The following GSTCD variants were observed in gnomAD, a reference collection of about 807,000 sequenced individuals.
GSTCD encodes glutathione S-transferase C-terminal domain containing.
Under a neutral mutation model 68.3 loss-of-function variants are expected in GSTCD, and 44 were observed. The ratio of observed to expected loss-of-function variants is 0.64; its 90% confidence interval spans 0.51 to 0.83. The LOEUF (loss-of-function observed/expected upper bound fraction) is 0.83, where lower values mean the gene tolerates loss of function less well. Ranked by LOEUF, GSTCD falls within the 40% of genes least tolerant of loss-of-function variation. The probability of loss-of-function intolerance (pLI) is 0.00; values close to 1 mark genes in which losing one functional copy is unlikely to be tolerated. For missense variants in GSTCD, 739 were observed against 735.9 expected (o/e 1.00, Z -0.05); for synonymous variants, 273 against 255.2 (o/e 1.07, Z -0.67).
chr4:105,720,147 ATCTC>A lies in GSTCD; in HGVS notation c.894+636_894+639del, dbSNP rs369063434. ...GATAGAACGTTTTCTGAGTAGGAAG[ATCTC>A]TCTCTCTCTCTCTCTGTCTGTCTTA... On this transcript the variant is annotated intron_variant, in intron 3 of 11. Transcript: ENST00000515279. Among the ~76,000 whole-genome samples, 1,357 of 142,656 alleles carry A rather than the reference ATCTC, an allele frequency of 9.5e-3. 18 individuals carry two copies. Among genetic ancestry groups the A allele is most frequent in the African/African-American group, 0.034 (1,204 of 35,162 alleles). 93.6% of individuals were successfully genotyped at this position (142,656 alleles called of 152,430 possible). A position where few individuals can be genotyped will look rare whatever the true frequency, so the allele number is the denominator to read the frequency against.
At chr4:105,732,144 C>G (rs868556373) in intron 5 of GSTCD, among the ~76,000 whole-genome samples, 45 of 152,120 alleles carry the variant, frequency 3.0e-4, no homozygotes, top group African/African-American at 8.5e-4. Context: ...GGATATTGGT[C>G]TAAAATTCTT....
At chr4:105,783,964 G>A (rs1222285268) in intron 5 of GSTCD, among the ~76,000 whole-genome samples, 3 of 152,158 alleles carry the variant, frequency 2.0e-5, no homozygotes, top group Non-Finnish European at 2.9e-5. Flanking sequence ...TGGATTTGGG[G>A]CAGGAATACT....
chr4:105,813,003 T>C (rs1360041705), intron 5 of GSTCD, among the ~76,000 whole-genome samples: 1 of 152,216 alleles, frequency 6.6e-6, no homozygotes, highest in East Asian at 1.9e-4. Flanking sequence ...AATATTTTAC[T>C]AATAAAGGAT....
intron 5 of GSTCD, among the ~76,000 whole-genome samples, chr4:105,815,718 C>G (rs1722950292): frequency 6.6e-6 from 1 of 152,024 alleles, no homozygotes; most frequent in South Asian, 2.1e-4. Flanking sequence ...AAAAAGTTAA[C>G]AAAACTATTA....
intron 5 of GSTCD, among the ~76,000 whole-genome samples, chr4:105,731,729 G>A (rs1578417129): frequency 6.6e-6 from 1 of 152,184 alleles, no homozygotes; most frequent in African/African-American, 2.4e-5. Flanking sequence ...CCAACACTAT[G>A]TTGAATAGGA....
intron 5 of GSTCD, among the ~76,000 whole-genome samples, chr4:105,736,147 CTAATAGT>C (rs1483170236): frequency 7.3e-5 from 11 of 151,698 alleles, no homozygotes; most frequent in Non-Finnish European, 1.5e-4. Context: ...TTTTGTGTTT[CTAATAGT>C]TAATAGTTAT....
Position 105,845,501 on chromosome 4 carries a change from A to G in GSTCD, c.1826A>G (p.Tyr609Cys). ...GCAAGAGCTGCAGAAGAATGTGGAT[A>G]CTCCGTTCAAGTGATATCCATGGAG... ...DRARAAEECG[Y>C]SVQVISMEPE... The change falls in exon 12 of 12, where the codon TAC becomes TGC. Residue 609 changes from tyrosine (Y) to cysteine (C), a missense_variant. Tyr to Cys is a radical substitution (Grantham distance 194, BLOSUM62 -2). Transcript: ENST00000515279. The G allele has an allele frequency of 6.2e-7, 1 of 1,614,088 alleles. No individual in the cohort carries two copies. The highest frequency in any genetic ancestry group is 8.5e-7 in the Non-Finnish European group (1 of 1,179,980).
intron 5 of GSTCD, among the ~76,000 whole-genome samples, chr4:105,804,401 G>A (rs1223376393): frequency 6.6e-6 from 1 of 152,000 alleles, no homozygotes; most frequent in Non-Finnish European, 1.5e-5. Flanking sequence ...GGTTAGTGAA[G>A]AGTAAATTTC....
intron 11 of GSTCD, chr4:105,843,608 A>G (rs1342559596): frequency 6.6e-6 from 1 of 152,186 alleles, no homozygotes. Context: ...GAGAAGGCTG[A>G]ACTTGTCCTT....
rs758031769 is a variant in GSTCD, at chr4:105,731,356, T to C, written c.1240+1857T>C. 7.1e-4 allele frequency among the ~76,000 whole-genome samples: 108 copies of C among 152,308 alleles called. 1 individual carries two copies. The highest frequency in any genetic ancestry group is 2.7e-3 in the Admixed American group (42 of 15,296). On this transcript the variant is annotated intron_variant, in intron 5 of 11. Coordinates refer to ENST00000515279, the MANE Select transcript of GSTCD (RefSeq NM_001370181.1). ...ATTTTCACAATATTGATTCTTCCTA[T>C]CCATGAGCATGGAATGTTCTTCCAT...
chr4:105,712,322 CTT>C (rs1251725683), intron 1 of GSTCD, among the ~76,000 whole-genome samples: 2 of 152,142 alleles, frequency 1.3e-5, no homozygotes, highest in African/African-American at 4.8e-5. Context: ...CTGTGAATCT[CTT>C]GGAGAAAAGC....
intron 5 of GSTCD, among the ~76,000 whole-genome samples, chr4:105,743,397 A>G (rs924554650): frequency 6.6e-6 from 1 of 152,020 alleles, no homozygotes; most frequent in African/African-American, 2.4e-5. Flanking sequence ...TTTTTATTAA[A>G]CTGAATGACT....
At chr4:105,713,036 T>C (rs1198635605) in intron 1 of GSTCD, among the ~76,000 whole-genome samples, 1 of 152,142 alleles carries the variant, frequency 6.6e-6, no homozygotes, top group Non-Finnish European at 1.5e-5. Flanking sequence ...AGGAAATCAA[T>C]GTAATGAGTA....
At chr4:105,734,730 C>T (rs1477460130) in intron 5 of GSTCD, among the ~76,000 whole-genome samples, 4 of 152,216 alleles carry the variant, frequency 2.6e-5, no homozygotes, top group Non-Finnish European at 5.9e-5. Context: ...GTAGGAGCTG[C>T]ATTCCTTTGG....
intron 5 of GSTCD, among the ~76,000 whole-genome samples, chr4:105,730,122 A>T (rs572669726): frequency 4.1e-4 from 63 of 152,214 alleles, no homozygotes; most frequent in African/African-American, 1.2e-3. Context: ...TGTGCCACAT[A>T]TTCTTAATCC....
intron 1 of GSTCD, among the ~76,000 whole-genome samples, chr4:105,714,253 C>T (rs1302251301): frequency 6.6e-6 from 1 of 152,036 alleles, no homozygotes; most frequent in Non-Finnish European, 1.5e-5. Flanking sequence ...TTTCTCACTC[C>T]CTCTCTGCAG....
chr4:105,821,270 T>C (rs1289415088), intron 5 of GSTCD: 1 of 151,880 alleles, frequency 6.6e-6, no homozygotes, highest in Non-Finnish European at 1.5e-5. Context: ...TCAAGTATAG[T>C]AAGTTGTTAA....
intron 5 of GSTCD, among the ~76,000 whole-genome samples, chr4:105,790,067 T>C (rs1735606134): frequency 6.6e-6 from 1 of 152,078 alleles, no homozygotes; most frequent in African/African-American, 2.4e-5. Flanking sequence ...AATAGTTTGA[T>C]ATTATTACTA....
chr4:105,844,529 C>T (rs923211795), intron 11 of GSTCD, among the ~76,000 whole-genome samples: 1 of 152,106 alleles, frequency 6.6e-6, no homozygotes, highest in South Asian at 2.1e-4. Context: ...TTTTGGTGAT[C>T]TGTCTTCATT....
Sources: gnomAD v4.1 joint callset for allele counts (sites outside exome capture counted in the v4.1 genomes callset) on GRCh38, gnomAD v4.1.1 for gene constraint, MANE v1.5 for transcripts, NCBI Gene and HGNC (gene_info 2026-07-23, HGNC 2026-07-21) for gene names.